KRT74: variants seen among roughly 807,000 people sequenced by gnomAD.
KRT74 encodes keratin 74.
In KRT74, 43 loss-of-function variants were observed where a neutral mutation model predicts 42.7. The ratio of observed to expected loss-of-function variants is 1.01; its 90% CI spans 0.79 to 1.30. KRT74 has a LOEUF of 1.30. Among genes scored for constraint, KRT74 ranks in the 50% most tolerant of loss-of-function variants. The pLI is 0.00. For synonymous variants in KRT74, 302 were observed against 279.0 expected (o/e 1.08, Z -0.82); for missense variants, 736 against 689.1 (o/e 1.07, Z -0.76).
At position 52,573,650 on chromosome 12, in the gene KRT74, GC is replaced by G. The variant is rs1367616429; in HGVS notation, c.127del (p.Ala43LeufsTer105). 1.7e-5 allele frequency: 27 copies of G among 1,614,148 alleles called. No individual in the cohort carries two copies. The highest frequency in any genetic ancestry group is 2.1e-5 in the Non-Finnish European group (25 of 1,180,022). ...ATAGAGGCTCCGACTGCCAAAGCCA[GC>G]GCCAGCCCCTCTGCCAGCTGCACAG... ...SYCAAGRGAG[A>X]GFGSRSLYSL... is the part of the protein sequence containing the mutation. On this transcript the variant is annotated frameshift_variant, in exon 1 of 9. Transcript: ENST00000305620. LOFTEE classifies it high-confidence loss of function.
chr12:52,572,673 AC>A lies in KRT74; in HGVS notation c.472-7del. 1 of 1,613,702 alleles carries A rather than the reference AC, an allele frequency of 6.2e-7. No individual in the cohort carries two copies. Among genetic ancestry groups the A allele is most frequent in the Non-Finnish European group, 8.5e-7 (1 of 1,179,632 alleles). On this transcript the variant is annotated splice_polypyrimidine_tract_variant and splice_region_variant and intron_variant, in intron 1 of 8. Coordinates refer to ENST00000305620, the MANE Select transcript of KRT74 (RefSeq NM_175053.4). ...TGCTGCTCTAGGAAGCGTACCTGGA[AC>A]CCAAATCAACAGACACCTGGAACCA...
rs769506804 is a variant in KRT74 at position 52,568,308 on chromosome 12, C to T, written c.1216G>A (p.Glu406Lys). 2 of 1,614,132 alleles carry T rather than the reference C, an allele frequency of 1.2e-6. No individual in the cohort carries two copies. The highest frequency in any genetic ancestry group is 1.7e-5 in the Admixed American group (1 of 60,014). The change falls in exon 7 of 9, where the codon GAG (glutamate) becomes AAG (lysine). Residue 406 changes from glutamate (E) to lysine (K), a missense_variant. Glu to Lys is a moderately conservative substitution (Grantham distance 56, BLOSUM62 1). Coordinates refer to ENST00000305620, the MANE Select transcript of KRT74 (RefSeq NM_175053.4). ...ALKDAQAKLD[E>K]LEGALHQAKE... ...GCCTGGTGCAGGGCGCCCTCCAGCT[C>T]ATCCAGCTTGGCCTGGGCATCCTTC...
In KRT74 at chr12:52,573,687, G is replaced by A; in HGVS notation, c.91C>T (p.Leu31=). 6.2e-7 allele frequency: 1 copy of A among 1,614,186 alleles called. No individual in the cohort carries two copies. The highest frequency in any genetic ancestry group is 8.5e-7 in the Non-Finnish European group (1 of 1,180,042). ...CTGCCAGCTGCACAGTAAGAAGCCA[G>A]GCTACCCACAGCCTTCCTTGGCACC... is the stretch of plus-strand genomic sequence containing the variant. ...AVVPRKAVGS[L]ASYCAAGRGA... The change falls in exon 1 of 9, where the codon CTG becomes TTG. Residue 31 remains leucine (L), a synonymous_variant. Transcript: ENST00000305620.
Position 52,573,633 on chromosome 12 carries a change from T to G in KRT74, c.145A>C (p.Ser49Arg), listed in dbSNP as rs777032918. The change falls in exon 1 of 9, where the codon AGC (serine) becomes CGC (arginine). Residue 49 changes from serine (S) to arginine (R), a missense_variant. By Grantham distance (110) the Ser-to-Arg change is moderately radical. Transcript: ENST00000305620. ...CGATTCCCTCCAAGGCTATAGAGGCTCCGACTGCCAAAGCCAGCGCCAGCC... is the reference window on the plus strand; with the variant it reads ...CGATTCCCTCCAAGGCTATAGAGGCGCCGACTGCCAAAGCCAGCGCCAGCC... ...RGAGAGFGSR[S>R]LYSLGGNRRI... is the part of the protein sequence containing the mutation. The G allele has an allele frequency of 1.2e-5, 19 of 1,614,156 alleles. No individual in the cohort carries two copies. The highest frequency in any genetic ancestry group is 1.6e-5 in the Non-Finnish European group (19 of 1,180,030).
intron 1 of KRT74, 54 bp from the exon 2 acceptor site, chr12:52,572,721 C>CATTG: frequency 6.6e-7 from 1 of 1,517,852 alleles, no homozygotes; most frequent in Non-Finnish European, 9.1e-7. Flanking sequence ...GTCATGCCCC[C>CATTG]TGGACACACA....
intron 6 of KRT74, among the ~76,000 whole-genome samples, chr12:52,569,151 C>A (rs1377841394): frequency 6.6e-6 from 1 of 152,120 alleles, no homozygotes; most frequent in Non-Finnish European, 1.5e-5. Context: ...ACTAGCAGAG[C>A]AGACCTGGTT....
intron 8 of KRT74, 96 bp from the exon 9 acceptor site, chr12:52,567,264 A>C (rs1939397586): frequency 9.6e-7 from 1 of 1,045,074 alleles, no homozygotes; most frequent in Non-Finnish European, 1.4e-6. Flanking sequence ...CTCCACAACA[A>C]CACCTCATTT....
In KRT74 at chr12:52,573,772, A is replaced by G. The variant is rs1210818741; in HGVS notation, c.6T>C (p.Ser2=). 6.2e-7 allele frequency: 1 copy of G among 1,613,156 alleles called. No homozygotes were observed. Among genetic ancestry groups the G allele is most frequent in the Non-Finnish European group, 8.5e-7 (1 of 1,179,536 alleles). The part of the protein sequence containing the change: M[S]RQLNIKSSGD... The stretch of plus-strand genomic sequence containing the variant: ...CACTGGACTTGATGTTCAGTTGCCG[A>G]CTCATGGTGGGAAAGGTTGAGTTGA... Residue 2 remains serine (S), a synonymous_variant, in exon 1 of 9, where the codon AGT becomes AGC. Transcript: ENST00000305620.
At position 52,573,426 on chromosome 12, in the gene KRT74, T is replaced by C; in HGVS notation, c.352A>G (p.Asn118Asp). 6.2e-7 allele frequency: 1 copy of C among 1,614,202 alleles called. No homozygotes were observed. The highest frequency in any genetic ancestry group is 1.1e-5 in the South Asian group (1 of 91,080). Reference sequence around the variant, plus strand: ...TTGAGGGGGGCCAAGAGGCTCTTGTTGACAGTGACCTGGTGGATGCCCCCA... The same window carrying C: ...TTGAGGGGGGCCAAGAGGCTCTTGTCGACAGTGACCTGGTGGATGCCCCCA... ...PPGGIHQVTVNKSLLAPLNVE... is the reference protein window; with the variant it reads ...PPGGIHQVTVDKSLLAPLNVE... Residue 118 changes from asparagine (N) to aspartate (D), a missense_variant, in exon 1 of 9, where the codon AAC (asparagine) becomes GAC (aspartate). Physicochemically the swap from Asn to Asp is conservative, Grantham distance 23 (BLOSUM62 1). Coordinates refer to ENST00000305620, the MANE Select transcript of KRT74 (RefSeq NM_175053.4).
chr12:52,567,949 G>A (rs1939407663), intron 7 of KRT74, among the ~76,000 whole-genome samples: 1 of 151,446 alleles, frequency 6.6e-6, no homozygotes. Context: ...TTAGCCCCAG[G>A]TCTGTCTGAG....
Position 52,572,526 on chromosome 12 carries a change from G to A in KRT74, c.613C>T (p.Leu205=), listed in dbSNP as rs757479005. Residue 205 remains leucine, a synonymous_variant, in exon 2 of 9, where the codon CTG becomes TTG. Coordinates refer to ENST00000305620, the MANE Select transcript of KRT74 (RefSeq NM_175053.4). ...TCCAGCCTCACCCTGTCCCCAGACA[G>A]TGTCTCCAGCTGCTTCCGCAGGTTG... The part of the protein sequence containing the change: ...ISNLRKQLET[L]SGDRVRLDSE... 9.9e-6 allele frequency: 16 copies of A among 1,614,108 alleles called. No homozygotes were observed. The highest frequency in any genetic ancestry group is 1.3e-5 in the Non-Finnish European group (15 of 1,180,064).
intron 7 of KRT74, 129 bp downstream of exon 7, chr12:52,568,040 C>CT: frequency 9.0e-7 from 1 of 1,114,946 alleles, no homozygotes; most frequent in Non-Finnish European, 1.3e-6. Flanking sequence ...GAAGCTGCCT[C>CT]TGAGTTCACG....
rs1292250135 is a variant in KRT74 at position 52,566,611 on chromosome 12, A to G, written c.*358T>C. On this transcript the variant is annotated 3_prime_UTR_variant, in exon 9 of 9. Transcript: ENST00000305620. ...TCTCAGACAGTAGCTAACTTGGCCT[A>G]AGCACAGAACAAACCAGCCCCTCCC... The G allele has an allele frequency of 8.7e-6, 2 of 230,436 alleles. No homozygotes were observed. The highest frequency in any genetic ancestry group is 1.7e-5 in the Non-Finnish European group (2 of 119,032). 14.3% of individuals were successfully genotyped at this position (230,436 alleles called of 1,614,324 possible).
chr12:52,567,794 C>T (rs1939405217), intron 7 of KRT74, 101 bp from the exon 8 acceptor site: 2 of 858,938 alleles, frequency 2.3e-6, no homozygotes, highest in Admixed American at 1.9e-5. Flanking sequence ...TAAACTCATC[C>T]TTATAACAAC....
chr12:52,568,174 C>T lies in KRT74; in HGVS notation c.1350G>A (p.Glu450=), dbSNP rs756400018. The T allele has an allele frequency of 1.2e-6, 2 of 1,614,192 alleles. No individual in the cohort carries two copies. Among genetic ancestry groups the T allele is most frequent in the South Asian group, 2.2e-5 (2 of 91,086 alleles). The change falls in exon 7 of 9, where the codon GAG becomes GAA. Residue 450 remains glutamate, a synonymous_variant. Coordinates refer to ENST00000305620, the MANE Select transcript of KRT74 (RefSeq NM_175053.4). ...TTCCCCTCCACCCCACCTACCTGCA[C>T]TCCTCGCCCTCCAGCAGCTTGCGGT... ...ATYRKLLEGE[E]CRMSGENPSS...
Position 52,568,172 on chromosome 12 carries a change from C to T in KRT74, c.1352G>A (p.Cys451Tyr). 1.9e-6 allele frequency: 3 copies of T among 1,614,170 alleles called. No individual in the cohort carries two copies. The highest frequency in any genetic ancestry group is 2.5e-6 in the Non-Finnish European group (3 of 1,179,974). ...CTTTCCCCTCCACCCCACCTACCTG[C>T]ACTCCTCGCCCTCCAGCAGCTTGCG... The part of the protein sequence containing the change: ...TYRKLLEGEE[C>Y]RMSGENPSSV... Residue 451 changes from cysteine to tyrosine, a missense_variant, in exon 7 of 9, where the codon TGC becomes TAC. Transcript: ENST00000305620.
Position 52,573,387 on chromosome 12 carries a change from G to T in KRT74, c.391C>A (p.Pro131Thr), listed in dbSNP as rs374512061. The change falls in exon 1 of 9, where the codon CCT (proline) becomes ACT (threonine). Residue 131 changes from proline (P) to threonine (T), a missense_variant. Pro to Thr is a conservative substitution (Grantham distance 38). Coordinates refer to ENST00000305620, the MANE Select transcript of KRT74 (RefSeq NM_175053.4). ...TGGGCGCGCACCTTCTGGATCTCAG[G>T]GTCCAGCTCCACGTTGAGGGGGGCC... ...LLAPLNVELD[P>T]EIQKVRAQER... 1 of 1,614,200 alleles carries T rather than the reference G, an allele frequency of 6.2e-7. No homozygotes were observed. The highest frequency in any genetic ancestry group is 2.2e-5 in the East Asian group (1 of 44,876).
chr12:52,572,362 C>T, intron 2 of KRT74, 91 bp downstream of exon 2: 1 of 1,311,426 alleles, frequency 7.6e-7, no homozygotes, highest in Non-Finnish European at 1.1e-6. Context: ...GTGCATACTC[C>T]CCCATCTCCT....
Position 52,570,844 on chromosome 12 carries a change from A to G in KRT74, c.844-11T>C. The G allele has an allele frequency of 6.2e-7, 1 of 1,614,188 alleles. No individual in the cohort carries two copies. Among genetic ancestry groups the G allele is most frequent in the Non-Finnish European group, 8.5e-7 (1 of 1,180,036 alleles). ...GATCTGAGCGATCTCCTGCATTGAG[A>G]GAGGAAGACAGATTCAGCAACCCCC... On this transcript the variant is annotated splice_polypyrimidine_tract_variant and intron_variant, in intron 4 of 8. Coordinates refer to ENST00000305620, the MANE Select transcript of KRT74 (RefSeq NM_175053.4).
Sources: gnomAD v4.1 joint callset for allele counts (sites outside exome capture counted in the v4.1 genomes callset) on GRCh38, gnomAD v4.1.1 for gene constraint, MANE v1.5 for transcripts, NCBI Gene and HGNC (gene_info 2026-07-23, HGNC 2026-07-21) for gene names.